Variants in ZNF729 observed in about 807,000 individuals in gnomAD.
The protein encoded by ZNF729 is zinc finger protein 729.
In ZNF729, 15 loss-of-function variants were observed where a neutral mutation model predicts 12.2. That is an observed-to-expected ratio of 1.23 (90% CI 0.82 to 1.89). The LOEUF is 1.89. Ranked by LOEUF, ZNF729 falls within the 40% of genes most tolerant of loss-of-function variation. The pLI, the probability that ZNF729 is intolerant of heterozygous loss-of-function variation, is 0.00. For synonymous variants in ZNF729, 492 were observed against 476.3 expected (o/e 1.03, Z -0.43); for missense variants, 1,540 against 1,456.7 (o/e 1.06, Z -0.93).
Position 22,315,203 on chromosome 19 carries a change from A to G in ZNF729, c.1786A>G (p.Arg596Gly), listed in dbSNP as rs1466158054. Residue 596 changes from arginine (R) to glycine (G), a missense_variant, in exon 4 of 4, where the codon AGG becomes GGG. Transcript: ENST00000601693. The stretch of plus-strand genomic sequence containing the variant: ...CAGAAAACATAAGGTAATTCATACT[A>G]GGGAGAAATTGTACAAATGTGAAGA... ...ALRKHKVIHTREKLYKCEECG... is the reference protein window; with the variant it reads ...ALRKHKVIHTGEKLYKCEECG... 2 of 1,609,072 alleles carry G rather than the reference A, an allele frequency of 1.2e-6. No homozygotes were observed. The highest frequency in any genetic ancestry group is 1.7e-6 in the Non-Finnish European group (2 of 1,178,440).
At chr19:22,308,110 A>G (rs1968408055) in intron 3 of ZNF729, among the ~76,000 whole-genome samples, 1 of 152,092 alleles carries the variant, frequency 6.6e-6, no homozygotes, top group African/African-American at 2.4e-5. Flanking sequence ...GTGAGAACAT[A>G]AGATGTTTGG....
chr19:22,315,175 C>T lies in ZNF729; in HGVS notation c.1758C>T (p.Ala586=). The change falls in exon 4 of 4, where the codon GCC becomes GCT. Residue 586 remains alanine, a synonymous_variant. Coordinates refer to ENST00000601693, the MANE Select transcript of ZNF729 (RefSeq NM_001242680.2). ...GCAAAGCTTTTAAGCATTTCTCAGC[C>T]CTCAGAAAACATAAGGTAATTCATA... ...ECGKAFKHFS[A]LRKHKVIHTR... 1.2e-6 allele frequency: 2 copies of T among 1,611,232 alleles called. No individual in the cohort carries two copies.
intron 1 of ZNF729, among the ~76,000 whole-genome samples, chr19:22,290,824 A>G (rs955308095): frequency 6.6e-6 from 1 of 152,206 alleles, no homozygotes; most frequent in African/African-American, 2.4e-5. Flanking sequence ...AAAGAGCACC[A>G]TCTAAGTCAT....
At chr19:22,288,311 G>GT (rs79658308) in intron 1 of ZNF729, among the ~76,000 whole-genome samples, 4,895 of 124,828 alleles carry the variant, frequency 0.039, 242 homozygotes, top group African/African-American at 0.12. Context: ...TCTTTGTACT[G>GT]TTTTTTTTTT....
intron 1 of ZNF729, among the ~76,000 whole-genome samples, chr19:22,298,309 T>TA (rs147887042): frequency 0.025 from 3,792 of 152,186 alleles, 155 homozygotes; most frequent in African/African-American, 0.087. Flanking sequence ...TATATACATA[T>TA]AAAAAATATA....
Position 22,314,528 on chromosome 19 carries a change from A to G in ZNF729, c.1111A>G (p.Thr371Ala), listed in dbSNP as rs1382752483. Residue 371 changes from threonine (T) to alanine (A), a missense_variant, in exon 4 of 4, where the codon ACT becomes GCT. Physicochemically the swap from Thr to Ala is moderately conservative, Grantham distance 58 (BLOSUM62 0). Transcript: ENST00000601693. Reference sequence around the variant, plus strand: ...CCTTAGAAAACATGAGATAATTCATACTGGAGAGAAACCCTACAAATGTGA... The same window carrying G: ...CCTTAGAAAACATGAGATAATTCATGCTGGAGAGAAACCCTACAAATGTGA... ...STLRKHEIIH[T>A]GEKPYKCEEC... 10 of 1,611,180 alleles carry G rather than the reference A, an allele frequency of 6.2e-6. No individual in the cohort carries two copies. The highest frequency in any genetic ancestry group is 7.6e-6 in the Non-Finnish European group (9 of 1,179,458).
chr19:22,305,291 C>T (rs1968364543), intron 3 of ZNF729, among the ~76,000 whole-genome samples: 1 of 152,068 alleles, frequency 6.6e-6, no homozygotes, highest in Admixed American at 6.6e-5. Context: ...CCAAATAAAC[C>T]TTTTTTCTTT....
chr19:22,296,204 G>A lies in ZNF729; in HGVS notation c.31-7554G>A, dbSNP rs12609393. On this transcript the variant is annotated intron_variant, in intron 1 of 3. Transcript: ENST00000601693. ...GGAATAGTTTTAGTAGAATGGTTCA[G>A]GCCCTTCGTTTTACGTCTGGTTGAA... is the stretch of plus-strand genomic sequence containing the variant. 3.0e-4 allele frequency among the ~76,000 whole-genome samples: 45 copies of A among 152,252 alleles called. 2 individuals are homozygous for A. In the East Asian group the frequency reaches 8.5e-3, roughly 29 times the overall value.
At chr19:22,286,664 C>A in intron 1 of ZNF729, 109 bp downstream of exon 1, 1 of 1,380,336 alleles carries the variant, frequency 7.2e-7, no homozygotes, top group Non-Finnish European at 1.0e-6. Flanking sequence ...CCACAATCTG[C>A]GCCTGGAGTT....
intron 1 of ZNF729, among the ~76,000 whole-genome samples, chr19:22,294,681 G>A (rs1396218590): frequency 3.3e-5 from 4 of 119,588 alleles, no homozygotes; most frequent in Admixed American, 1.1e-4. Flanking sequence ...TTTTGAGTCC[G>A]AGTCTCACTC....
chr19:22,314,978 T>C lies in ZNF729; in HGVS notation c.1561T>C (p.Cys521Arg). Reference sequence around the variant, plus strand: ...AAAGAAACCCTACAAATGTGAAGAATGTGGGAAAGCTTTTAGCCAGTCCTC... The same window carrying C: ...AAAGAAACCCTACAAATGTGAAGAACGTGGGAAAGCTTTTAGCCAGTCCTC... ...TGKKPYKCEE[C>R]GKAFSQSSTL... Residue 521 changes from cysteine to arginine, a missense_variant, in exon 4 of 4, where the codon TGT becomes CGT. Coordinates refer to ENST00000601693, the MANE Select transcript of ZNF729 (RefSeq NM_001242680.2). 6.2e-7 allele frequency: 1 copy of C among 1,612,032 alleles called. No individual in the cohort carries two copies. The highest frequency in any genetic ancestry group is 2.2e-5 in the East Asian group (1 of 44,806).
At chr19:22,308,467 G>A (rs1216091219) in intron 3 of ZNF729, among the ~76,000 whole-genome samples, 1 of 152,068 alleles carries the variant, frequency 6.6e-6, no homozygotes, top group African/African-American at 2.4e-5. Flanking sequence ...TAGAGGTTGT[G>A]CTAGTTTACA....
intron 1 of ZNF729, among the ~76,000 whole-genome samples, chr19:22,297,970 A>C (rs1246663038): frequency 1.5e-5 from 2 of 135,404 alleles, no homozygotes; most frequent in East Asian, 2.2e-4. Context: ...ACCCCATCGC[A>C]CTCTGGCCTG....
At chr19:22,310,988 C>T (rs1229118979) in intron 3 of ZNF729, among the ~76,000 whole-genome samples, 2 of 152,100 alleles carry the variant, frequency 1.3e-5, no homozygotes, top group African/African-American at 4.8e-5. Flanking sequence ...TAAAGGTGTT[C>T]ATAGTAGCCT....
At chr19:22,299,448 C>T (rs1485702708) in intron 1 of ZNF729, 1 of 152,404 alleles carries the variant, frequency 6.6e-6, no homozygotes, top group Non-Finnish European at 1.5e-5. Flanking sequence ...CCAGGATGGT[C>T]TCGATCTCCT....
chr19:22,286,625 G>T, intron 1 of ZNF729, 70 bp downstream of exon 1: 2 of 1,598,738 alleles, frequency 1.3e-6, no homozygotes, highest in South Asian at 2.2e-5. Flanking sequence ...AGTGGCTGTG[G>T]CGGGACTCCG....
rs56180581 is a variant in ZNF729, at chr19:22,293,494, A to ATTTTTTTTTTTTTT, written c.30+6943_30+6956dup. The stretch of plus-strand genomic sequence containing the variant: ...AGCCACCACTCCTAGCCTTTTGTCT[A>ATTTTTTTTTTTTTT]TTTTTTTTTTTTTTTTTGAGACAGT... On this transcript the variant is annotated intron_variant, in intron 1 of 3. Coordinates refer to ENST00000601693, the MANE Select transcript of ZNF729 (RefSeq NM_001242680.2). Among the ~76,000 whole-genome samples, 65 of 96,038 alleles carry ATTTTTTTTTTTTTT rather than the reference A, an allele frequency of 6.8e-4. 4 individuals are homozygous for ATTTTTTTTTTTTTT. Among genetic ancestry groups the ATTTTTTTTTTTTTT allele is most frequent in the African/African-American group, 2.2e-3 (52 of 23,630 alleles). The allele number at this position is 96,038 out of a possible 152,430, so 63.0% of individuals were successfully genotyped here. A position where few individuals can be genotyped will look rare whatever the true frequency, so the allele number is the denominator to read the frequency against.
chr19:22,314,257 T>G lies in ZNF729; in HGVS notation c.840T>G (p.Thr280=). 1 of 1,608,992 alleles carries G rather than the reference T, an allele frequency of 6.2e-7. No individual in the cohort carries two copies. Among genetic ancestry groups the G allele is most frequent in the Non-Finnish European group, 8.5e-7 (1 of 1,178,298 alleles). The change falls in exon 4 of 4, where the codon ACT becomes ACG. Residue 280 remains threonine, a synonymous_variant. Coordinates refer to ENST00000601693, the MANE Select transcript of ZNF729 (RefSeq NM_001242680.2). ...GKAFNQSSNL[T]DHKRIHTGEK... Reference sequence around the variant, plus strand: ...CTTTTAACCAGTCCTCAAATCTTACTGACCATAAGAGAATTCATACTGGAG... The same window carrying G: ...CTTTTAACCAGTCCTCAAATCTTACGGACCATAAGAGAATTCATACTGGAG...
chr19:22,290,012 G>GT (rs1281611146), intron 1 of ZNF729, among the ~76,000 whole-genome samples: 1 of 152,172 alleles, frequency 6.6e-6, no homozygotes, highest in Non-Finnish European at 1.5e-5. Context: ...CATGTACACT[G>GT]TGTTAGAGTA....
Sources: gnomAD v4.1 joint callset for allele counts (sites outside exome capture counted in the v4.1 genomes callset) on GRCh38, gnomAD v4.1.1 for gene constraint, MANE v1.5 for transcripts, NCBI Gene and HGNC (gene_info 2026-07-23, HGNC 2026-07-21) for gene names.